USP6: variants seen among roughly 807,000 people sequenced by gnomAD.
The protein encoded by USP6 is ubiquitin specific peptidase 6, also known as ubiquitin carboxyl-terminal hydrolase 6.
A neutral mutation model predicts 175.7 loss-of-function variants in USP6; 128 were observed. That is an observed-to-expected ratio of 0.73 (90% confidence interval 0.63 to 0.84). The LOEUF (loss-of-function observed/expected upper bound fraction) is 0.84, where lower values mean the gene tolerates loss of function less well. USP6 is among the 40% of genes least tolerant of loss of function. The pLI is 0.00. For missense variants in USP6, 1,498 were observed against 1,760.3 expected, an observed-to-expected ratio of 0.85 and a Z score of 2.67; for synonymous variants, 562 against 630.6, an observed-to-expected ratio of 0.89 and a Z score of 1.63.
chr17:5,123,904 C>T (rs781345510), intron 4 of USP6, among the ~76,000 whole-genome samples: 1 of 141,958 alleles, frequency 7.0e-6, no homozygotes, highest in African/African-American at 2.7e-5. Context: ...CACGCACGTG[C>T]GCACACACAC....
intron 30 of USP6, among the ~76,000 whole-genome samples, chr17:5,154,873 A>G (rs989091966): frequency 6.6e-6 from 1 of 152,098 alleles, no homozygotes; most frequent in African/African-American, 2.4e-5. Flanking sequence ...AGGTGGGACT[A>G]CAGACACATG....
chr17:5,168,309 CT>C (rs2074138145), intron 34 of USP6, among the ~76,000 whole-genome samples, 186 bp downstream of exon 34: 1 of 151,634 alleles, frequency 6.6e-6, no homozygotes, highest in Non-Finnish European at 1.5e-5. Context: ...TTGGTAGTTC[CT>C]TTTCCTAAAA....
intron 36 of USP6, among the ~76,000 whole-genome samples, 173 bp downstream of exon 36, chr17:5,171,088 C>T (rs1015059259): frequency 6.6e-6 from 1 of 152,180 alleles, no homozygotes; most frequent in African/African-American, 2.4e-5. Flanking sequence ...GTGGCTCACA[C>T]CTGTAATCCC....
At chr17:5,122,553 C>G (rs143005473) in intron 4 of USP6, among the ~76,000 whole-genome samples, 1 of 152,220 alleles carries the variant, frequency 6.6e-6, no homozygotes, top group Non-Finnish European at 1.5e-5. Flanking sequence ...CCCGGGAGGC[C>G]GAACCGGCCC....
chr17:5,139,400 A>T lies in USP6; in HGVS notation c.1224A>T (p.Ala408=). ...TTTGCTCAGCTTCCCCGCCATGGGC[A>T]TCTCGTTTTTCCACGCCCTGTCCTG... ...RPICSASPPW[A]SRFSTPCPGG... Residue 408 remains alanine, a synonymous_variant, in exon 22 of 38, where the codon GCA becomes GCT. Coordinates refer to ENST00000574788, the MANE Select transcript of USP6 (RefSeq NM_001304284.2). The T allele has an allele frequency of 6.2e-7, 1 of 1,613,386 alleles. No homozygotes were observed. The highest frequency in any genetic ancestry group is 1.3e-5 in the African/African-American group (1 of 75,036).
At position 5,174,177 on chromosome 17, in the gene USP6, A is replaced by AT. The variant is rs2074280517; in HGVS notation, c.*1205dup. ...AAAGTTATGTTTCTTTGCTTACTTC[A>AT]TTTTTTCCCTCTAATTATTTAAGAT... is the stretch of plus-strand genomic sequence containing the variant. On this transcript the variant is annotated 3_prime_UTR_variant, in exon 38 of 38. Transcript: ENST00000574788. 5.1e-6 allele frequency: 1 copy of AT among 195,918 alleles called. No individual in the cohort carries two copies. The highest frequency in any genetic ancestry group is 1.1e-5 in the Non-Finnish European group (1 of 94,070). 12.1% of individuals were successfully genotyped at this position (195,918 alleles called of 1,614,324 possible). A position where few individuals can be genotyped will look rare whatever the true frequency, so the allele number is the denominator to read the frequency against.
At chr17:5,170,280 C>G (rs1357853190) in intron 35 of USP6, among the ~76,000 whole-genome samples, 199 bp from the exon 36 acceptor site, 1 of 152,120 alleles carries the variant, frequency 6.6e-6, no homozygotes, top group Non-Finnish European at 1.5e-5. Flanking sequence ...GACATTGTTG[C>G]TTATAGGGAC....
chr17:5,169,265 G>A (rs2074162062), intron 35 of USP6, among the ~76,000 whole-genome samples: 1 of 152,136 alleles, frequency 6.6e-6, no homozygotes, highest in Non-Finnish European at 1.5e-5. Context: ...GATAATGCCA[G>A]GTTTACAGAG....
chr17:5,138,950 T>C (rs1223391137), intron 21 of USP6: 2 of 1,404,288 alleles, frequency 1.4e-6, no homozygotes, highest in East Asian at 5.8e-5. Context: ...ACTTGAGTTC[T>C]GATGGGGGGC....
chr17:5,158,726 A>T (rs2144102566), intron 31 of USP6, among the ~76,000 whole-genome samples: 1 of 151,090 alleles, frequency 6.6e-6, no homozygotes, highest in African/African-American at 2.4e-5. Flanking sequence ...AAGTGAAGGA[A>T]GTACTTCAAG....
At chr17:5,153,361 A>G (rs2073814379) in intron 30 of USP6, among the ~76,000 whole-genome samples, 1 of 152,104 alleles carries the variant, frequency 6.6e-6, no homozygotes, top group Non-Finnish European at 1.5e-5. Flanking sequence ...ATCTCAACTC[A>G]CCGCAACCTC....
intron 37 of USP6, among the ~76,000 whole-genome samples, chr17:5,171,978 C>G (rs2074228424): frequency 6.6e-6 from 1 of 151,472 alleles, no homozygotes; most frequent in African/African-American, 2.4e-5. Context: ...AGTTCGAGAC[C>G]AGACTGGCCA....
chr17:5,132,307 A>G lies in USP6; in HGVS notation c.156-89A>G. On this transcript the variant is annotated intron_variant, in intron 11 of 37. Coordinates refer to ENST00000574788, the MANE Select transcript of USP6 (RefSeq NM_001304284.2). This position sits in a 1 kb window ranked among gnomAD's most constrained non-coding sequence, Gnocchi z 4.7. ...GCTGAGCCCTGAGCTGGATAGGGAC[A>G]GAGCCAGTCCTTTCTGGGGGTCGGC... 3 of 1,611,180 alleles carry G rather than the reference A, an allele frequency of 1.9e-6. No individual in the cohort carries two copies. The highest frequency in any genetic ancestry group is 2.5e-6 in the Non-Finnish European group (3 of 1,179,234).
rs779827676 is a variant in USP6 at position 5,134,651 on chromosome 17, C to G, written c.495-583C>G. 14 of 173,288 alleles carry G rather than the reference C, an allele frequency of 8.1e-5. 1 individual carries two copies. The highest frequency in any genetic ancestry group is 1.5e-4 in the Non-Finnish European group (12 of 80,586). The allele number at this position is 173,288 out of a possible 1,614,324, so 10.7% of individuals were successfully genotyped here. A position where few individuals can be genotyped will look rare whatever the true frequency, so the allele number is the denominator to read the frequency against. ...CTGGTCCTCCCTTCAAACGGAAGACCCAGTGAGAAAAGGGAACGAGCCAGT... is the reference window on the plus strand; with the variant it reads ...CTGGTCCTCCCTTCAAACGGAAGACGCAGTGAGAAAAGGGAACGAGCCAGT... On this transcript the variant is annotated intron_variant, in intron 15 of 37. Coordinates refer to ENST00000574788, the MANE Select transcript of USP6 (RefSeq NM_001304284.2).
At chr17:5,158,939 C>A (rs557986188) in intron 31 of USP6, among the ~76,000 whole-genome samples, 1 of 152,208 alleles carries the variant, frequency 6.6e-6, no homozygotes, top group East Asian at 1.9e-4. Context: ...TCTAGTGGTA[C>A]TTGGTAAAGT....
At chr17:5,169,418 C>G (rs1033529146) in intron 35 of USP6, among the ~76,000 whole-genome samples, 13 of 152,044 alleles carry the variant, frequency 8.6e-5, no homozygotes, top group Non-Finnish European at 1.8e-4. Flanking sequence ...GATCAAAACT[C>G]CTTTTTTATT....
In USP6 at chr17:5,170,948, G is replaced by T. The variant is rs553756126; in HGVS notation, c.3954+33G>T. Reference sequence around the variant, plus strand: ...GTTTATTATACGGTTTTCAGAGAGTGGTCTGTGTTTTGTTCACTTGTCTTC... The same window carrying T: ...GTTTATTATACGGTTTTCAGAGAGTTGTCTGTGTTTTGTTCACTTGTCTTC... On this transcript the variant is annotated intron_variant, in intron 36 of 37. Coordinates refer to ENST00000574788, the MANE Select transcript of USP6 (RefSeq NM_001304284.2). 3.0e-5 allele frequency: 48 copies of T among 1,600,836 alleles called. No individual in the cohort carries two copies. The South Asian group carries it at 5.1e-4, about 17-fold the overall frequency.
In USP6 at chr17:5,167,995, G is replaced by C. The variant is rs2074131088; in HGVS notation, c.3100G>C (p.Asp1034His). ...RRAQAEPINL[D>H]SCLRAFTSEE... ...AGCGCAAGCCGAGCCCATCAACCTG[G>C]ACAGCTGTCTCCGTGCTTTCACCAG... is the stretch of plus-strand genomic sequence containing the variant. Residue 1034 changes from aspartate to histidine, a missense_variant, in exon 34 of 38, where the codon GAC becomes CAC. Transcript: ENST00000574788. 2 of 1,611,978 alleles carry C rather than the reference G, an allele frequency of 1.2e-6. No homozygotes were observed. Among genetic ancestry groups the C allele is most frequent in the Non-Finnish European group, 1.7e-6 (2 of 1,179,836 alleles).
rs754335521 is a variant in USP6, at chr17:5,167,944, C to T, written c.3049C>T (p.His1017Tyr). ...QTSQERVVDK[H>Y]ESVEQSRRAQ... ...CCTCTACCTACAGGTTGTAGATAAG[C>T]ATGAGAGTGTGGAGCAGAGTCGGCG... Residue 1017 changes from histidine (H) to tyrosine (Y), a missense_variant, in exon 34 of 38, where the codon CAT becomes TAT. His to Tyr is a moderately conservative substitution (Grantham distance 83). Transcript: ENST00000574788. 1 of 1,611,586 alleles carries T rather than the reference C, an allele frequency of 6.2e-7. No homozygotes were observed.
Sources: gnomAD v4.1 joint callset for allele counts (sites outside exome capture counted in the v4.1 genomes callset) on GRCh38, gnomAD v4.1.1 for gene constraint, Gnocchi (gnomAD v3.1) non-coding constraint, MANE v1.5 for transcripts, NCBI Gene and HGNC (gene_info 2026-07-23, HGNC 2026-07-21) for gene names.